Variants in KIRREL3 observed in about 807,000 individuals in gnomAD.
KIRREL3 encodes the protein kin of IRRE-like protein 3.
A neutral mutation model predicts 89.7 loss-of-function variants in KIRREL3; 36 were observed. The observed-to-expected ratio is 0.40, with a 90% confidence interval of 0.31 to 0.53. The LOEUF (loss-of-function observed/expected upper bound fraction) is 0.53. Ranked by LOEUF, KIRREL3 falls within the 20% of genes least tolerant of loss-of-function variation. The pLI is 0.49. For synonymous variants in KIRREL3, 445 were observed against 441.4 expected (o/e 1.01, Z -0.10); for missense variants, 864 against 1,056.6 (o/e 0.82, Z 2.53).
In KIRREL3 at chr11:126,965,687, A is replaced by G. The variant is rs569876820; in HGVS notation, c.55+34768T>C. Among the ~76,000 whole-genome samples the G allele has an allele frequency of 6.6e-6, 1 of 152,358 alleles. No individual in the cohort carries two copies. The highest frequency in any genetic ancestry group is 2.1e-4 in the South Asian group (1 of 4,826). Reference sequence around the variant, plus strand: ...GATAATCGAAACCTCAGCCAAAAGAAGATCAATAAATATTATTTCCTTCTG... The same window carrying G: ...GATAATCGAAACCTCAGCCAAAAGAGGATCAATAAATATTATTTCCTTCTG... On this transcript the variant is annotated intron_variant, in intron 1 of 16. Transcript: ENST00000525144. This position sits in a 1 kb window ranked among gnomAD's most constrained non-coding sequence, Gnocchi z 4.4.
rs966550165 is a variant in KIRREL3, at chr11:126,553,186, C to T, written c.133+9649G>A. Among the ~76,000 whole-genome samples, 2 of 152,176 alleles carry T rather than the reference C, an allele frequency of 1.3e-5. No individual in the cohort carries two copies. The highest frequency in any genetic ancestry group is 4.8e-5 in the African/African-American group (2 of 41,448). On this transcript the variant is annotated intron_variant, in intron 2 of 16. Transcript: ENST00000525144. The surrounding 1 kb of genome is among the most constrained non-coding windows in gnomAD (Gnocchi z 4.7). ...GGAGATCTCTCTGACCATTGCTGGA[C>T]ATTATGGGCTTACAGTGTGTCCCTT...
intron 1 of KIRREL3, among the ~76,000 whole-genome samples, chr11:126,718,228 A>C (rs769294325): frequency 6.6e-6 from 1 of 152,092 alleles, no homozygotes; most frequent in Non-Finnish European, 1.5e-5. Context: ...CCCACCCAGA[A>C]CTGCAGCCAG....
intron 1 of KIRREL3, among the ~76,000 whole-genome samples, chr11:126,866,971 C>T (rs570497900): frequency 9.8e-5 from 15 of 152,300 alleles, no homozygotes; most frequent in African/African-American, 3.6e-4. Context: ...AGGCAAGAAC[C>T]CAGGATACAG....
chr11:126,716,524 C>G (rs926595536), intron 1 of KIRREL3, among the ~76,000 whole-genome samples: 1 of 152,040 alleles, frequency 6.6e-6, no homozygotes, highest in African/African-American at 2.4e-5. Flanking sequence ...CCCAGGGAAA[C>G]AGGAAGGGAC....
At position 126,683,525 on chromosome 11, in the gene KIRREL3, T is replaced by G. The variant is rs1287527635; in HGVS notation, c.56-120613A>C. Reference sequence around the variant, plus strand: ...CTTCTTTAACCATTTCTTTCTTATCTGCAAAATGGGAAGAGTAAGGGCACC... The same window carrying G: ...CTTCTTTAACCATTTCTTTCTTATCGGCAAAATGGGAAGAGTAAGGGCACC... On this transcript the variant is annotated intron_variant, in intron 1 of 16. Transcript: ENST00000525144. This position sits in a 1 kb window ranked among gnomAD's most constrained non-coding sequence, Gnocchi z 5.2. Among the ~76,000 whole-genome samples the G allele has an allele frequency of 6.6e-6, 1 of 152,190 alleles. No homozygotes were observed. Among genetic ancestry groups the G allele is most frequent in the East Asian group, 1.9e-4 (1 of 5,192 alleles).
At chr11:126,806,668 A>G (rs922039190) in intron 1 of KIRREL3, among the ~76,000 whole-genome samples, 1 of 152,070 alleles carries the variant, frequency 6.6e-6, no homozygotes, top group African/African-American at 2.4e-5. Context: ...CATGTTGTAT[A>G]TTTATTTATT....
chr11:126,930,104 T>TA (rs34362615), intron 1 of KIRREL3, among the ~76,000 whole-genome samples: 287 of 147,556 alleles, frequency 1.9e-3, no homozygotes, highest in Middle Eastern at 7.0e-3. Flanking sequence ...TTTGTGTGCT[T>TA]AAAAAAAAAA....
chr11:126,821,351 A>ATATATATG (rs756545626), intron 1 of KIRREL3, among the ~76,000 whole-genome samples: 3 of 105,258 alleles, frequency 2.9e-5, no homozygotes, highest in Admixed American at 9.3e-5. Context: ...ATATATATAT[A>ATATATATG]TGTAACTTCC....
chr11:126,829,875 T>G (rs4245071), intron 1 of KIRREL3, among the ~76,000 whole-genome samples: 131,430 of 152,186 alleles, frequency 0.86, 57,099 homozygotes, highest in East Asian at 1. Context: ...TAGAGGGAGG[T>G]TTTCAGAAGA....
chr11:126,921,747 TTCTATCTA>T (rs201000548), intron 1 of KIRREL3, among the ~76,000 whole-genome samples: 15,720 of 134,836 alleles, frequency 0.12, 874 homozygotes, highest in African/African-American at 0.13. Flanking sequence ...TATATCTGTC[TTCTATCTA>T]TCTATCTATC....
chr11:126,591,219 C>T (rs1354051373), intron 1 of KIRREL3, among the ~76,000 whole-genome samples: 1 of 152,162 alleles, frequency 6.6e-6, no homozygotes, highest in African/African-American at 2.4e-5. Flanking sequence ...GAGGGAGATC[C>T]TGTCTCTCCC....
intron 1 of KIRREL3, among the ~76,000 whole-genome samples, chr11:126,894,004 G>T (rs2134787795): frequency 6.6e-6 from 1 of 152,298 alleles, no homozygotes. Context: ...GGGTATGACA[G>T]TGTTGAGATT....
At chr11:126,885,963 GAAAC>G (rs1378654820) in intron 1 of KIRREL3, among the ~76,000 whole-genome samples, 2 of 152,178 alleles carry the variant, frequency 1.3e-5, no homozygotes, top group Admixed American at 6.5e-5. Context: ...ATATGACTAA[GAAAC>G]AGTTTTCTTT....
intron 1 of KIRREL3, among the ~76,000 whole-genome samples, chr11:126,922,121 G>GTCTGTCTATCTATCTATCTA (rs61078651): frequency 1.9e-3 from 264 of 140,072 alleles, no homozygotes; most frequent in East Asian, 4.0e-3. Flanking sequence ...CTATCTGTCT[G>GTCTGTCTATCTATCTATCTA]TCTATCTATC....
rs147276578 is a variant in KIRREL3, at chr11:126,999,576, C to T, written c.55+879G>A. Among the ~76,000 whole-genome samples, 9 of 152,312 alleles carry T rather than the reference C, an allele frequency of 5.9e-5. No homozygotes were observed. The highest frequency in any genetic ancestry group is 3.9e-4 in the East Asian group (2 of 5,172). On this transcript the variant is annotated intron_variant, in intron 1 of 16. Coordinates refer to ENST00000525144, the MANE Select transcript of KIRREL3 (RefSeq NM_032531.4). The surrounding 1 kb of genome is among the most constrained non-coding windows in gnomAD (Gnocchi z 5.7). ...GAGGTGCATTGGCATTCCAAAAGAG[C>T]GGGAAGGAGCCCATGTACTTGCCCC...
In KIRREL3 at chr11:126,520,932, G is replaced by C. The variant is rs1958566667; in HGVS notation, c.433+383C>G. ...TTTGTTAGCACCGGAGTGGGGGTCA[G>C]TTCAGAAAGAAGGGACCCACAGCCT... On this transcript the variant is annotated intron_variant, in intron 4 of 16. Transcript: ENST00000525144. The surrounding 1 kb of genome is among the most constrained non-coding windows in gnomAD (Gnocchi z 4.9). 6.6e-6 allele frequency among the ~76,000 whole-genome samples: 1 copy of C among 152,170 alleles called. No individual in the cohort carries two copies. The highest frequency in any genetic ancestry group is 1.5e-5 in the Non-Finnish European group (1 of 68,030).
rs1416054466 is a variant in KIRREL3, at chr11:126,750,009, GT to G, written c.56-187098del. On this transcript the variant is annotated intron_variant, in intron 1 of 16. Coordinates refer to ENST00000525144, the MANE Select transcript of KIRREL3 (RefSeq NM_032531.4). The surrounding 1 kb of genome is among the most constrained non-coding windows in gnomAD (Gnocchi z 4.2). ...CTAGAAATGAGTGGTTCTGGATGAA[GT>G]TTCCTGACTTTACTGAACTTCAGTT... Among the ~76,000 whole-genome samples, 1 of 152,194 alleles carries G rather than the reference GT, an allele frequency of 6.6e-6. No homozygotes were observed. Among genetic ancestry groups the G allele is most frequent in the Non-Finnish European group, 1.5e-5 (1 of 68,042 alleles).
intron 1 of KIRREL3, among the ~76,000 whole-genome samples, chr11:126,957,261 C>T (rs1948951470): frequency 6.6e-6 from 1 of 152,160 alleles, no homozygotes; most frequent in Admixed American, 6.5e-5. Context: ...AGCCATTGCT[C>T]AGGTCGTGAA....
intron 1 of KIRREL3, among the ~76,000 whole-genome samples, chr11:126,581,546 A>G (rs478666): frequency 0.076 from 11,550 of 152,300 alleles, 609 homozygotes; most frequent in Non-Finnish European, 0.12. Context: ...AATTGAAACT[A>G]AAAGTTGTAG....
Sources: allele counts gnomAD v4.1 joint callset (sites outside exome capture counted in the v4.1 genomes callset), GRCh38; gene constraint gnomAD v4.1.1; non-coding constraint Gnocchi (gnomAD v3.1); transcripts MANE v1.5; gene names NCBI Gene and HGNC (gene_info 2026-07-23, HGNC 2026-07-21).